IL1RAPL2: variants seen among roughly 807,000 people sequenced by gnomAD.
The protein encoded by IL1RAPL2 is interleukin 1 receptor accessory protein like 2.
IL1RAPL2 carries 3 observed loss-of-function variants against 44.1 expected under a neutral mutation model. The ratio of observed to expected loss-of-function variants is 0.07; its 90% confidence interval spans 0.03 to 0.18. IL1RAPL2 has a LOEUF of 0.18. Ranked by LOEUF, IL1RAPL2 falls within the 10% of genes least tolerant of loss-of-function variation. The pLI is 1.00. For missense variants in IL1RAPL2, 391 were observed against 496.4 expected (o/e 0.79, Z 2.02); for synonymous variants, 181 against 178.8 (o/e 1.01, Z -0.10).
At chrX:105,603,152 G>A (rs1348610625) in intron 6 of IL1RAPL2, among the ~76,000 whole-genome samples, 1 of 108,875 alleles carries the variant, frequency 9.2e-6, no homozygotes, top group African/African-American at 3.3e-5. Flanking sequence ...TAGCAAAATG[G>A]CAAGAGTAAA....
chrX:105,248,804 C>T (rs192463082), intron 4 of IL1RAPL2, among the ~76,000 whole-genome samples: 15 of 111,618 alleles, frequency 1.3e-4, no homozygotes, highest in African/African-American at 4.2e-4. Flanking sequence ...TATCATTTCA[C>T]TCCAGTTACA....
At chrX:105,486,578 A>T (rs1369306169) in intron 6 of IL1RAPL2, among the ~76,000 whole-genome samples, 3 of 111,134 alleles carry the variant, frequency 2.7e-5, no homozygotes, top group Non-Finnish European at 3.8e-5. Context: ...TCTACCTTGA[A>T]CTGGGATAAA....
At chrX:104,823,089 A>T (rs754690143) in intron 2 of IL1RAPL2, among the ~76,000 whole-genome samples, 10 of 110,465 alleles carry the variant, frequency 9.1e-5, no homozygotes, top group Admixed American at 3.9e-4. Flanking sequence ...GATGCTTGTG[A>T]TTTTTGCACA....
chrX:104,698,679 G>A (rs910041528), intron 2 of IL1RAPL2, among the ~76,000 whole-genome samples: 1 of 112,012 alleles, frequency 8.9e-6, no homozygotes, highest in African/African-American at 3.2e-5. Context: ...CAAATTTAAT[G>A]CCGGCTTTCA....
At chrX:104,655,399 T>C (rs1323367718) in intron 1 of IL1RAPL2, among the ~76,000 whole-genome samples, 3 of 111,806 alleles carry the variant, frequency 2.7e-5, no homozygotes, top group African/African-American at 9.7e-5. Context: ...TCAATTTTGT[T>C]GAAGGCCTCT....
intron 2 of IL1RAPL2, among the ~76,000 whole-genome samples, chrX:105,054,816 G>A (rs2031972638): frequency 8.9e-6 from 1 of 111,845 alleles, no homozygotes; most frequent in Non-Finnish European, 1.9e-5. Flanking sequence ...TGTCTGGCTG[G>A]CTGTGTAGAT....
Position 104,942,578 on chromosome X carries a change from C to T in IL1RAPL2, c.83-252897C>T, listed in dbSNP as rs781054517. Reference sequence around the variant, plus strand: ...TGAGACTGCTGAAGTTGCTTATCAGCTTCAGGAGATTTTGGGCTTAAATGA... The same window carrying T: ...TGAGACTGCTGAAGTTGCTTATCAGTTTCAGGAGATTTTGGGCTTAAATGA... On this transcript the variant is annotated intron_variant, in intron 2 of 10. Coordinates refer to ENST00000372582, the MANE Select transcript of IL1RAPL2 (RefSeq NM_017416.2). 2.2e-4 allele frequency among the ~76,000 whole-genome samples: 25 copies of T among 111,831 alleles called. No individual in the cohort carries two copies. The South Asian group carries it at 9.4e-3, about 42-fold the overall frequency.
chrX:104,894,990 G>A (rs1923593079), intron 2 of IL1RAPL2, among the ~76,000 whole-genome samples: 1 of 112,653 alleles, frequency 8.9e-6, no homozygotes, highest in African/African-American at 3.2e-5. Context: ...CTGTTTGTTA[G>A]TTTTCTTTCT....
At chrX:105,491,201 ATT>A (rs1326148791) in intron 6 of IL1RAPL2, among the ~76,000 whole-genome samples, 1 of 111,363 alleles carries the variant, frequency 9.0e-6, no homozygotes, top group Non-Finnish European at 1.9e-5. Context: ...TGTATTTTTT[ATT>A]TTTTTATTTT....
At chrX:104,834,981 C>T (rs1921702088) in intron 2 of IL1RAPL2, among the ~76,000 whole-genome samples, 1 of 111,754 alleles carries the variant, frequency 8.9e-6, no homozygotes, top group African/African-American at 3.3e-5. Flanking sequence ...CTAGTATTTG[C>T]TGTTGAAAAT....
At chrX:104,859,778 A>T (rs983906102) in intron 2 of IL1RAPL2, among the ~76,000 whole-genome samples, 1 of 112,369 alleles carries the variant, frequency 8.9e-6, no homozygotes, top group Admixed American at 9.4e-5. Context: ...TTGGCACAAC[A>T]TATGTAATAT....
intron 2 of IL1RAPL2, among the ~76,000 whole-genome samples, chrX:104,852,097 T>A (rs1922241093): frequency 9.0e-6 from 1 of 111,247 alleles, no homozygotes; most frequent in South Asian, 3.8e-4. Context: ...CACCATTAAA[T>A]AACAGAAAGG....
At chrX:105,478,464 A>C (rs1374287714) in intron 5 of IL1RAPL2, among the ~76,000 whole-genome samples, 1 of 111,426 alleles carries the variant, frequency 9.0e-6, no homozygotes, top group Non-Finnish European at 1.9e-5. Context: ...TTGTTCATTC[A>C]GCCTGTCATT....
chrX:105,327,831 T>TA (rs1193073359), intron 5 of IL1RAPL2, among the ~76,000 whole-genome samples: 1 of 112,078 alleles, frequency 8.9e-6, no homozygotes, highest in East Asian at 2.8e-4. Context: ...GTATTCCCTA[T>TA]ATAGGCACTT....
At chrX:105,351,709 C>A (rs950340220) in intron 5 of IL1RAPL2, among the ~76,000 whole-genome samples, 1 of 110,330 alleles carries the variant, frequency 9.1e-6, no homozygotes, top group Admixed American at 9.7e-5. Flanking sequence ...CAGCAAACCA[C>A]CATGGCGCAT....
intron 2 of IL1RAPL2, among the ~76,000 whole-genome samples, chrX:104,855,302 T>TCAGAC (rs1207125595): frequency 1.8e-5 from 2 of 111,442 alleles, no homozygotes; most frequent in Non-Finnish European, 3.8e-5. Context: ...AGCTACTGAG[T>TCAGAC]CAGACTCAGC....
chrX:105,389,951 C>A (rs1031499070), intron 5 of IL1RAPL2, among the ~76,000 whole-genome samples: 3 of 110,900 alleles, frequency 2.7e-5, no homozygotes, highest in Non-Finnish European at 5.7e-5. Context: ...ACACCCCAGC[C>A]TAAGAAAATG....
intron 2 of IL1RAPL2, among the ~76,000 whole-genome samples, chrX:104,761,957 CTTCTTCTTCTTCTTCTTCTTCTTCT>C (rs1433788123): frequency 1.0e-5 from 1 of 95,402 alleles, no homozygotes; most frequent in African/African-American, 4.1e-5. Context: ...TCTTCTTCTT[CTTCTTCTTCTTCTTCTTCTTCTTCT>C]TCCTCCTCCT....
chrX:104,648,883 C>A (rs1217423922), intron 1 of IL1RAPL2, among the ~76,000 whole-genome samples: 1 of 111,308 alleles, frequency 9.0e-6, no homozygotes, highest in Non-Finnish European at 1.9e-5. Context: ...CTACAGAAAT[C>A]AAAAAGAAAC....
Sources: allele counts gnomAD v4.1 joint callset (sites outside exome capture counted in the v4.1 genomes callset), GRCh38; gene constraint gnomAD v4.1.1; transcripts MANE v1.5; gene names NCBI Gene and HGNC (gene_info 2026-07-23, HGNC 2026-07-21).